Variants in OTUD7A observed in about 807,000 individuals in gnomAD.
The protein encoded by OTUD7A is OTU domain-containing protein 7A.
In OTUD7A, 12 loss-of-function variants were observed where a neutral mutation model predicts 65.7. The observed-to-expected ratio is 0.18, with a 90% confidence interval of 0.12 to 0.30. OTUD7A has a LOEUF of 0.30. Among genes scored for constraint, OTUD7A ranks in the 10% least tolerant of loss-of-function variants. OTUD7A has a pLI of 1.00. For missense variants in OTUD7A, 1,148 were observed against 1,304.8 expected, an observed-to-expected ratio of 0.88 and a Z score of 1.85; for synonymous variants, 641 against 586.3, an observed-to-expected ratio of 1.09 and a Z score of -1.35.
chr15:31,521,576 T>C (rs556844371), intron 8 of OTUD7A, among the ~76,000 whole-genome samples: 54 of 152,194 alleles, frequency 3.5e-4, no homozygotes, highest in African/African-American at 1.3e-3. Context: ...CACCAGGCTG[T>C]GGTGTGGGCA....
intron 1 of OTUD7A, among the ~76,000 whole-genome samples, chr15:31,715,600 G>T (rs2654040): frequency 0.053 from 7,548 of 143,180 alleles, 483 homozygotes; most frequent in African/African-American, 0.16. Context: ...GATCCATCCA[G>T]CCAGTCATAT....
intron 8 of OTUD7A, among the ~76,000 whole-genome samples, chr15:31,525,705 G>A (rs565583993): frequency 2.0e-4 from 31 of 152,228 alleles, no homozygotes; most frequent in Non-Finnish European, 4.1e-4. Flanking sequence ...AGAATAAGCC[G>A]CGGCCAAGGC....
At chr15:31,621,746 G>A (rs1360943637) in intron 3 of OTUD7A, among the ~76,000 whole-genome samples, 9 of 150,552 alleles carry the variant, frequency 6.0e-5, no homozygotes, top group African/African-American at 2.5e-5. Context: ...CTTTTAATTG[G>A]AGCATTTAGC....
intron 1 of OTUD7A, among the ~76,000 whole-genome samples, chr15:31,840,865 C>T (rs1429423791): frequency 6.6e-6 from 1 of 152,150 alleles, no homozygotes; most frequent in Non-Finnish European, 1.5e-5. Flanking sequence ...TATCACTATC[C>T]ATCTACTACT....
intron 1 of OTUD7A, among the ~76,000 whole-genome samples, chr15:31,724,163 C>G (rs1279996664): frequency 2.0e-5 from 3 of 152,080 alleles, no homozygotes; most frequent in South Asian, 4.1e-4. Flanking sequence ...CTGTGTATTA[C>G]GGGCATTACA....
chr15:31,818,128 T>C (rs1896596588), intron 1 of OTUD7A, among the ~76,000 whole-genome samples: 2 of 152,220 alleles, frequency 1.3e-5, no homozygotes, highest in Admixed American at 6.5e-5. Context: ...ACAATGAATA[T>C]GCCAGTGCCT....
chr15:31,825,860 A>C (rs1167250768), intron 1 of OTUD7A, among the ~76,000 whole-genome samples: 1 of 152,220 alleles, frequency 6.6e-6, no homozygotes, highest in Non-Finnish European at 1.5e-5. Context: ...CGAGTCCAAA[A>C]TCCATTGGGG....
At chr15:31,635,929 A>G (rs1891326693) in intron 3 of OTUD7A, among the ~76,000 whole-genome samples, 1 of 152,246 alleles carries the variant, frequency 6.6e-6, no homozygotes, top group Non-Finnish European at 1.5e-5. Context: ...GCAGCATGAA[A>G]ACAGGGGGCG....
intron 1 of OTUD7A, among the ~76,000 whole-genome samples, chr15:31,722,740 G>C (rs1369437824): frequency 6.6e-6 from 1 of 152,240 alleles, no homozygotes. Context: ...GGGTTGAAAG[G>C]TCCCTAGCAC....
intron 1 of OTUD7A, among the ~76,000 whole-genome samples, chr15:31,753,028 CA>C (rs1225177732): frequency 5.3e-5 from 8 of 152,140 alleles, no homozygotes; most frequent in Admixed American, 3.9e-4. Flanking sequence ...TAAAATGAAT[CA>C]TTTTTACTGT....
intron 8 of OTUD7A, among the ~76,000 whole-genome samples, chr15:31,521,087 T>C (rs1412429558): frequency 1.3e-5 from 2 of 152,132 alleles, no homozygotes; most frequent in South Asian, 2.1e-4. Flanking sequence ...CGCGTACATA[T>C]GGACAGGCAG....
chr15:31,526,352 C>T lies in OTUD7A; in HGVS notation c.890G>A (p.Gly297Glu). The T allele has an allele frequency of 6.3e-7, 1 of 1,590,722 alleles. No individual in the cohort carries two copies. The highest frequency in any genetic ancestry group is 1.3e-5 in the African/African-American group (1 of 74,828). ...GGAGAGCAGGGGCAGCACTTACCCC[C>T]CGCCCGTGCCGCCATTCTTGCTGAA... Reference protein sequence around the residue: ...THFSKNGGTGGGVDNSEDPVY... With the variant: ...THFSKNGGTGEGVDNSEDPVY... Residue 297 changes from glycine (G) to glutamate (E), a missense_variant, in exon 8 of 13, where the codon GGG (glycine) becomes GAG (glutamate). Around this residue, in one of 6 missense-constraint regions of OTUD7A, gnomAD observed 25 missense variants for 18.7 expected, o/e 1.34. Transcript: ENST00000307050.
intron 3 of OTUD7A, among the ~76,000 whole-genome samples, chr15:31,586,933 C>T (rs574163903): frequency 1.4e-4 from 22 of 152,180 alleles, no homozygotes; most frequent in African/African-American, 5.3e-4. Context: ...CTGCTCTTCT[C>T]CACCCACATT....
At chr15:31,492,482 G>A (rs2041329651) in intron 10 of OTUD7A, among the ~76,000 whole-genome samples, 1 of 151,928 alleles carries the variant, frequency 6.6e-6, no homozygotes, top group East Asian at 1.9e-4. Context: ...GGAGGCAGAG[G>A]CAGGAGAATC....
chr15:31,854,236 C>T (rs1428489082), intron 1 of OTUD7A, among the ~76,000 whole-genome samples: 1 of 152,174 alleles, frequency 6.6e-6, no homozygotes, highest in Non-Finnish European at 1.5e-5. Flanking sequence ...AAACACATCA[C>T]TCTGACCTCT....
intron 10 of OTUD7A, among the ~76,000 whole-genome samples, chr15:31,496,065 CAAA>C (rs34962324): frequency 4.5e-5 from 4 of 88,286 alleles, no homozygotes; most frequent in Non-Finnish European, 4.8e-5. Flanking sequence ...AACCCCATCT[CAAA>C]AAAAAAAAAA....
rs1293205211 is a variant in OTUD7A at position 31,765,589 on chromosome 15, C to T, written c.-100+104918G>A. The stretch of plus-strand genomic sequence containing the variant: ...GAGATCTAGTTAGTTTCCTAGGAGT[C>T]TCACATTGATAAACATCTATTTTGG... On this transcript the variant is annotated intron_variant, in intron 1 of 12. Coordinates refer to ENST00000307050, the MANE Select transcript of OTUD7A (RefSeq NM_001382637.1). 3.9e-5 allele frequency among the ~76,000 whole-genome samples: 6 copies of T among 152,138 alleles called. No individual in the cohort carries two copies. The East Asian group carries it at 1.2e-3, about 29-fold the overall frequency.
At chr15:31,587,988 C>T (rs543967884) in intron 3 of OTUD7A, among the ~76,000 whole-genome samples, 5 of 152,164 alleles carry the variant, frequency 3.3e-5, no homozygotes, top group Admixed American at 2.0e-4. Flanking sequence ...CTAAAATACC[C>T]TGTGTCCTGG....
chr15:31,512,557 G>A (rs1464806311), intron 8 of OTUD7A, among the ~76,000 whole-genome samples: 3 of 152,280 alleles, frequency 2.0e-5, no homozygotes, highest in African/African-American at 4.8e-5. Flanking sequence ...ATAACCTGAC[G>A]TGTCCACCTT....
Sources: gnomAD v4.1 joint callset for allele counts (sites outside exome capture counted in the v4.1 genomes callset) on GRCh38, gnomAD v4.1.1 for gene constraint, gnomAD v4.1.1 regional missense constraint, MANE v1.5 for transcripts, NCBI Gene and HGNC (gene_info 2026-07-23, HGNC 2026-07-21) for gene names.